The following ALMS1 variants were observed in gnomAD, a reference collection of about 807,000 sequenced individuals.
ALMS1 encodes centrosome-associated protein ALMS1.
In ALMS1, 271 loss-of-function variants were observed where a neutral mutation model predicts 352.2. The ratio of observed to expected loss-of-function variants is 0.77; its 90% CI spans 0.70 to 0.85. The LOEUF (loss-of-function observed/expected upper bound fraction) is 0.85, where lower values mean the gene tolerates loss of function less well. ALMS1 is among the 40% of genes least tolerant of loss of function. The pLI is 0.00. For synonymous variants in ALMS1, 1,865 were observed against 1,761.2 expected, an observed-to-expected ratio of 1.06 and a Z score of -1.48; for missense variants, 5,445 against 4,870.7, an observed-to-expected ratio of 1.12 and a Z score of -3.51.
At chr2:73,433,624 G>A (rs1671553130) in intron 7 of ALMS1, among the ~76,000 whole-genome samples, 15 of 152,126 alleles carry the variant, frequency 9.9e-5, no homozygotes, top group Admixed American at 9.8e-4. Flanking sequence ...GTCAGGTACA[G>A]TGTCTTATGC....
intron 9 of ALMS1, among the ~76,000 whole-genome samples, chr2:73,469,356 T>C (rs1375593051): frequency 6.6e-6 from 1 of 151,516 alleles, no homozygotes; most frequent in East Asian, 1.9e-4. Context: ...CTTGGAAAAA[T>C]TCCAAATCAG....
Position 73,490,356 on chromosome 2 carries a change from T to A in ALMS1, c.8397T>A (p.Pro2799=). 6.2e-7 allele frequency: 1 copy of A among 1,612,762 alleles called. No individual in the cohort carries two copies. The highest frequency in any genetic ancestry group is 8.5e-7 in the Non-Finnish European group (1 of 1,179,448). ...AEGRRQSQKL[P]VDFERSFQEE... ...GTAGAAGGCAAAGCCAAAAATTACC[T>A]GTTGATTTTGAGCGTTCTTTTCAAG... The change falls in exon 10 of 23, where the codon CCT becomes CCA. Residue 2799 remains proline, a synonymous_variant. Coordinates refer to ENST00000613296, the MANE Select transcript of ALMS1 (RefSeq NM_001378454.1).
At chr2:73,462,500 A>T (rs1268894910) in intron 9 of ALMS1, among the ~76,000 whole-genome samples, 2 of 152,132 alleles carry the variant, frequency 1.3e-5, no homozygotes, top group African/African-American at 2.4e-5. Flanking sequence ...CACTGCAAAA[A>T]CATGCCAAAA....
chr2:73,469,655 A>G (rs745732790), intron 9 of ALMS1: 11 of 151,878 alleles, frequency 7.2e-5, no homozygotes, highest in Non-Finnish European at 1.5e-4. Flanking sequence ...ATTAGGTAAC[A>G]TTATGAAGTA....
chr2:73,486,036 C>T lies in ALMS1; in HGVS notation c.7675-3598C>T, dbSNP rs577383083. ...GAAGTGCAGAAATCACCGTCTTCTG[C>T]GTGGCTCACGCTGGGAGCTGTAGAC... On this transcript the variant is annotated intron_variant, in intron 9 of 22. Coordinates refer to ENST00000613296, the MANE Select transcript of ALMS1 (RefSeq NM_001378454.1). Among the ~76,000 whole-genome samples, 65 of 152,084 alleles carry T rather than the reference C, an allele frequency of 4.3e-4. No individual in the cohort carries two copies. In the South Asian group the frequency reaches 0.013, roughly 30 times the overall value.
At chr2:73,586,495 G>A (rs56054150) in intron 16 of ALMS1, among the ~76,000 whole-genome samples, 19,721 of 152,100 alleles carry the variant, frequency 0.13, 1,365 homozygotes, top group East Asian at 0.22. Context: ...ACCATTTGTT[G>A]AATAGGGTGT....
intron 9 of ALMS1, among the ~76,000 whole-genome samples, chr2:73,481,422 T>C (rs1441492011): frequency 6.6e-6 from 1 of 152,208 alleles, no homozygotes; most frequent in East Asian, 1.9e-4. Flanking sequence ...CTCTGTTCTG[T>C]TCCATTGATC....
At chr2:73,442,358 T>C (rs549964622) in intron 7 of ALMS1, among the ~76,000 whole-genome samples, 3 of 152,198 alleles carry the variant, frequency 2.0e-5, no homozygotes, top group Non-Finnish European at 4.4e-5. Context: ...ACTGCTATTA[T>C]TCTATTTGCT....
chr2:73,583,453 T>C (rs894489304), intron 16 of ALMS1, among the ~76,000 whole-genome samples: 2 of 152,212 alleles, frequency 1.3e-5, no homozygotes, highest in Admixed American at 1.3e-4. Context: ...ATAGGTTGTC[T>C]TTCACTCTGT....
At chr2:73,535,097 G>A (rs1673999511) in intron 12 of ALMS1, 148 bp downstream of exon 12, 2 of 988,624 alleles carry the variant, frequency 2.0e-6, no homozygotes, top group Non-Finnish European at 3.2e-6. Context: ...GTTCAGATAG[G>A]TGAGTTATTT....
At chr2:73,553,647 A>G (rs1674484976) in intron 13 of ALMS1, among the ~76,000 whole-genome samples, 1 of 152,226 alleles carries the variant, frequency 6.6e-6, no homozygotes, top group Non-Finnish European at 1.5e-5. Context: ...AATAATAATT[A>G]TATAAACAAT....
chr2:73,391,167 C>A (rs934206886), intron 1 of ALMS1, among the ~76,000 whole-genome samples: 1 of 152,078 alleles, frequency 6.6e-6, no homozygotes, highest in African/African-American at 2.4e-5. Context: ...TTCAACATCC[C>A]CCCATAAGCA....
Position 73,424,839 on chromosome 2 carries a change from C to A in ALMS1, c.1174C>A (p.Arg392Ser), listed in dbSNP as rs3813227. ...TKRSDHFDAA[R>S]SYGQYWTQED... is the part of the protein sequence containing the mutation. ...AAGAAGTGACCATTTTGATGCTGCT[C>A]GTTCATATGGGCAGTATTGGACACA... Residue 392 changes from arginine (R) to serine (S), a missense_variant, in exon 5 of 23, where the codon CGT becomes AGT. By Grantham distance (110) the Arg-to-Ser change is moderately radical (BLOSUM62 -1). Transcript: ENST00000613296. 68 of 1,607,162 alleles carry A rather than the reference C, an allele frequency of 4.2e-5. No homozygotes were observed. The African/African-American group carries it at 7.9e-4, about 19-fold the overall frequency.
At chr2:73,594,663 G>A (rs1469126704) in intron 16 of ALMS1, among the ~76,000 whole-genome samples, 2 of 152,206 alleles carry the variant, frequency 1.3e-5, no homozygotes, top group East Asian at 3.8e-4. Flanking sequence ...AGTTATCAAA[G>A]GCTTTAACTT....
chr2:73,431,345 A>G (rs1455033707), intron 6 of ALMS1, among the ~76,000 whole-genome samples: 3 of 152,202 alleles, frequency 2.0e-5, no homozygotes, highest in Non-Finnish European at 4.4e-5. Context: ...ACAATGAAAA[A>G]TTGATGAAAG....
At chr2:73,540,010 A>T (rs1674131438) in intron 12 of ALMS1, among the ~76,000 whole-genome samples, 1 of 152,218 alleles carries the variant, frequency 6.6e-6, no homozygotes, top group Non-Finnish European at 1.5e-5. Context: ...ACATTCAGGA[A>T]ATACAGAGAA....
At position 73,419,278 on chromosome 2, in the gene ALMS1, A is replaced by G. The variant is rs577382122; in HGVS notation, c.606A>G (p.Val202=). Residue 202 remains valine, a synonymous_variant, in exon 3 of 23, where the codon GTA becomes GTG. Coordinates refer to ENST00000613296, the MANE Select transcript of ALMS1 (RefSeq NM_001378454.1). ...EGILTQSENQ[V]KEPNRDLFCS... ...TATTGACGCAATCAGAAAATCAAGTAAAGGAACCCAACAGAGATCTCTTCT... is the reference window on the plus strand; with the variant it reads ...TATTGACGCAATCAGAAAATCAAGTGAAGGAACCCAACAGAGATCTCTTCT... 1 of 1,614,100 alleles carries G rather than the reference A, an allele frequency of 6.2e-7. No homozygotes were observed. Among genetic ancestry groups the G allele is most frequent in the South Asian group, 1.1e-5 (1 of 91,080 alleles).
intron 10 of ALMS1, among the ~76,000 whole-genome samples, chr2:73,514,921 G>A (rs1039940260): frequency 3.3e-5 from 5 of 152,162 alleles, no homozygotes; most frequent in Non-Finnish European, 7.4e-5. Flanking sequence ...GATGCCCCAA[G>A]AGTTGGTTTT....
In ALMS1 at chr2:73,406,974, A is replaced by G. The variant is rs565152190; in HGVS notation, c.325-1648A>G. Among the ~76,000 whole-genome samples the G allele has an allele frequency of 5.9e-5, 9 of 152,362 alleles. No individual in the cohort carries two copies. In the South Asian group the frequency reaches 1.7e-3, roughly 28 times the overall value. The stretch of plus-strand genomic sequence containing the variant: ...ACATTTTACTGGTGTCACAAGTAAC[A>G]TGTTTATATATTGTTTAACCATTAA... On this transcript the variant is annotated intron_variant, in intron 1 of 22. Coordinates refer to ENST00000613296, the MANE Select transcript of ALMS1 (RefSeq NM_001378454.1).
Sources: allele counts gnomAD v4.1 joint callset (sites outside exome capture counted in the v4.1 genomes callset), GRCh38; gene constraint gnomAD v4.1.1; transcripts MANE v1.5; gene names NCBI Gene and HGNC (gene_info 2026-07-23, HGNC 2026-07-21).